EBF1: variants seen among roughly 807,000 people sequenced by gnomAD.
EBF1 encodes transcription factor COE1.
EBF1 carries 10 observed loss-of-function variants against 68.4 expected under a neutral mutation model. The ratio of observed to expected loss-of-function variants is 0.15; its 90% CI spans 0.09 to 0.25. The LOEUF (loss-of-function observed/expected upper bound fraction) is 0.25. Ranked by LOEUF, EBF1 falls within the 10% of genes least tolerant of loss-of-function variation. The pLI, the probability that EBF1 is intolerant of heterozygous loss-of-function variation, is 1.00. For synonymous variants in EBF1, 298 were observed against 299.8 expected (o/e 0.99, Z 0.06); for missense variants, 509 against 794.4 (o/e 0.64, Z 4.32).
chr5:158,766,507 T>C lies in EBF1; in HGVS notation c.1036+10906A>G. On this transcript the variant is annotated intron_variant, in intron 10 of 15. Coordinates refer to ENST00000313708, the MANE Select transcript of EBF1 (RefSeq NM_024007.5). ...AAATTTATATGTGAAATATTGTAAG[T>C]AGACATTTGATAATGTATTGGTATC... Among the ~76,000 whole-genome samples the C allele has an allele frequency of 1.3e-5, 2 of 152,200 alleles. 1 individual carries two copies. Among genetic ancestry groups the C allele is most frequent in the Non-Finnish European group, 2.9e-5 (2 of 68,026 alleles).
intron 6 of EBF1, among the ~76,000 whole-genome samples, chr5:158,903,906 G>T (rs1803989891): frequency 6.6e-6 from 1 of 152,082 alleles, no homozygotes; most frequent in African/African-American, 2.4e-5. Context: ...AAAGTGGGCA[G>T]GTACTATCAT....
intron 6 of EBF1, among the ~76,000 whole-genome samples, chr5:159,012,482 CT>C (rs1172647838): frequency 2.3e-3 from 328 of 145,150 alleles, no homozygotes; most frequent in African/African-American, 3.5e-3. Flanking sequence ...TTTGGAGAGT[CT>C]TTTTTTTTTT....
At chr5:159,028,799 G>T (rs1360683403) in intron 6 of EBF1, among the ~76,000 whole-genome samples, 1 of 152,146 alleles carries the variant, frequency 6.6e-6, no homozygotes, top group Non-Finnish European at 1.5e-5. Context: ...TGAGCTAAAA[G>T]ACAAGAAAGA....
intron 6 of EBF1, among the ~76,000 whole-genome samples, chr5:159,021,718 G>A (rs1405994060): frequency 2.6e-5 from 4 of 152,314 alleles, no homozygotes; most frequent in East Asian, 1.9e-4. Context: ...ACGGCAGCAC[G>A]TCTAAACGAT....
chr5:158,794,713 T>C (rs1036250909), intron 9 of EBF1, among the ~76,000 whole-genome samples: 5 of 152,128 alleles, frequency 3.3e-5, no homozygotes, highest in African/African-American at 1.2e-4. Flanking sequence ...GAAAGAAAGA[T>C]GGAAAAGGTA....
chr5:159,073,547 G>A, intron 5 of EBF1, 83 bp from the exon 6 acceptor site: 2 of 1,482,498 alleles, frequency 1.3e-6, no homozygotes, highest in Non-Finnish European at 1.9e-6. Context: ...TCAAATTGCT[G>A]GGTTGCAAAT....
At chr5:158,914,558 G>T (rs1806726557) in intron 6 of EBF1, among the ~76,000 whole-genome samples, 1 of 152,088 alleles carries the variant, frequency 6.6e-6, no homozygotes, top group Non-Finnish European at 1.5e-5. Flanking sequence ...CAGCTTCTAT[G>T]GCAAAACATT....
intron 8 of EBF1, among the ~76,000 whole-genome samples, chr5:158,801,685 A>G (rs1780615559): frequency 6.6e-6 from 1 of 151,334 alleles, no homozygotes; most frequent in Non-Finnish European, 1.5e-5. Flanking sequence ...AAAAAAAAAG[A>G]AAGAAAGAAA....
intron 6 of EBF1, chr5:159,018,830 C>A (rs1274241425): frequency 6.6e-6 from 1 of 152,130 alleles, no homozygotes; most frequent in Non-Finnish European, 1.5e-5. Context: ...AGAGTTGAAC[C>A]CAGGTCTGTC....
intron 4 of EBF1, among the ~76,000 whole-genome samples, chr5:159,095,252 T>C (rs894257954): frequency 5.3e-5 from 8 of 151,868 alleles, no homozygotes; most frequent in Non-Finnish European, 7.4e-5. Flanking sequence ...CGGGGAGGCC[T>C]GGCTTGCTTG....
At chr5:158,944,473 G>A (rs886572263) in intron 6 of EBF1, among the ~76,000 whole-genome samples, 95 of 152,276 alleles carry the variant, frequency 6.2e-4, no homozygotes, top group Middle Eastern at 3.4e-3. Flanking sequence ...TATCATTGAT[G>A]GGCATTTGGA....
intron 9 of EBF1, among the ~76,000 whole-genome samples, chr5:158,795,294 T>G (rs552451004): frequency 6.6e-6 from 1 of 152,182 alleles, no homozygotes; most frequent in East Asian, 1.9e-4. Context: ...TTACATTCTA[T>G]AGGCTTTGGG....
At position 158,696,902 on chromosome 5, in the gene EBF1, T is replaced by A; in HGVS notation, c.*2209A>T. ...TTGTGCTTTTCGATTTCTTTGTTTT[T>A]TTTTTTTTCTTTTTTTCTTTTTCTT... On this transcript the variant is annotated 3_prime_UTR_variant, in exon 16 of 16. Coordinates refer to ENST00000313708, the MANE Select transcript of EBF1 (RefSeq NM_024007.5). 5.0e-6 allele frequency: 1 copy of A among 198,406 alleles called. No individual in the cohort carries two copies. Among genetic ancestry groups the A allele is most frequent in the Non-Finnish European group, 1.0e-5 (1 of 95,984 alleles). The allele number at this position is 198,406 out of a possible 1,614,324, so 12.3% of individuals were successfully genotyped here.
chr5:159,058,081 A>C (rs6888447), intron 6 of EBF1, among the ~76,000 whole-genome samples: 4 of 152,220 alleles, frequency 2.6e-5, no homozygotes, highest in Non-Finnish European at 5.9e-5. Context: ...AATTCCAAGC[A>C]TCAGCCAGAA....
intron 4 of EBF1, among the ~76,000 whole-genome samples, chr5:159,088,154 G>A (rs1279575635): frequency 6.6e-6 from 1 of 152,086 alleles, no homozygotes; most frequent in African/African-American, 2.4e-5. Context: ...TTTTGTTACT[G>A]AAAAGTATTG....
chr5:159,040,293 T>C (rs1561861268), intron 6 of EBF1, among the ~76,000 whole-genome samples: 1 of 152,200 alleles, frequency 6.6e-6, no homozygotes, highest in Non-Finnish European at 1.5e-5. Context: ...TAAATGATTC[T>C]GCAAAGGCTT....
intron 6 of EBF1, among the ~76,000 whole-genome samples, chr5:158,862,202 T>C (rs1027693157): frequency 4.0e-5 from 6 of 151,684 alleles, no homozygotes; most frequent in Admixed American, 6.6e-5. Context: ...AGATGGAGGG[T>C]AAAATAGTTT....
intron 10 of EBF1, among the ~76,000 whole-genome samples, chr5:158,738,762 A>G (rs1424198902): frequency 6.6e-6 from 1 of 152,230 alleles, no homozygotes; most frequent in Non-Finnish European, 1.5e-5. Context: ...TTATTCCAAG[A>G]TGACTATTTT....
intron 6 of EBF1, among the ~76,000 whole-genome samples, chr5:158,956,694 G>A (rs1353878484): frequency 6.6e-6 from 1 of 151,298 alleles, no homozygotes; most frequent in Non-Finnish European, 1.5e-5. Context: ...TTAACCAGAA[G>A]AGAAGGTTCT....
Sources: gnomAD v4.1 joint callset for allele counts (sites outside exome capture counted in the v4.1 genomes callset) on GRCh38, gnomAD v4.1.1 for gene constraint, MANE v1.5 for transcripts, NCBI Gene and HGNC (gene_info 2026-07-23, HGNC 2026-07-21) for gene names.